PABIR3: variants seen among roughly 807,000 people sequenced by gnomAD.
PABIR3 encodes the protein PABIR family member 3.
PABIR3 carries 20 observed loss-of-function variants against 23.1 expected under a neutral mutation model. The ratio of observed to expected loss-of-function variants is 0.86; its 90% CI spans 0.61 to 1.26. The LOEUF (loss-of-function observed/expected upper bound fraction) is 1.26. PABIR3 is among the 50% of genes most tolerant of loss of function. The pLI is 0.00. For missense variants in PABIR3, 189 were observed against 195.4 expected, an observed-to-expected ratio of 0.97 and a Z score of 0.20; for synonymous variants, 69 against 68.5, an observed-to-expected ratio of 1.01 and a Z score of -0.04.
chrX:134,827,255 C>T (rs761534089), intron 3 of PABIR3, among the ~76,000 whole-genome samples: 1 of 111,847 alleles, frequency 8.9e-6, no homozygotes, highest in South Asian at 3.7e-4. Flanking sequence ...GCATGAGCCA[C>T]CACACATGGC....
At chrX:134,818,904 T>C (rs1161959161) in intron 3 of PABIR3, among the ~76,000 whole-genome samples, 1 of 108,908 alleles carries the variant, frequency 9.2e-6, no homozygotes, top group Non-Finnish European at 1.9e-5. Context: ...TTTTTTCTAG[T>C]ACCAAATACT....
the PABIR3 span, among the ~76,000 whole-genome samples, chrX:134,859,935 T>C: frequency 9.0e-6 from 1 of 111,380 alleles, no homozygotes; most frequent in Non-Finnish European, 1.9e-5. Context: ...AACCTAATTA[T>C]ACTTTCCATT....
the PABIR3 span, among the ~76,000 whole-genome samples, chrX:134,860,130 T>G: frequency 1.8e-5 from 2 of 110,491 alleles, no homozygotes; most frequent in Non-Finnish European, 3.8e-5. Flanking sequence ...TCTAGCTGTG[T>G]CACCCAGGCT....
chrX:134,841,977 A>T (rs748098665), intron 4 of PABIR3, among the ~76,000 whole-genome samples: 2 of 112,012 alleles, frequency 1.8e-5, no homozygotes, highest in African/African-American at 6.5e-5. Context: ...ACAGAGTGAG[A>T]TCCTGTCTCA....
intron 10 of PABIR3, among the ~76,000 whole-genome samples, chrX:134,853,218 C>T (rs1371691207): frequency 9.0e-6 from 1 of 110,820 alleles, no homozygotes; most frequent in Non-Finnish European, 1.9e-5. Context: ...TAGCTGTGCA[C>T]CACCGCGCCT....
intron 2 of PABIR3, among the ~76,000 whole-genome samples, chrX:134,814,364 C>T (rs887978763): frequency 1.8e-5 from 2 of 111,657 alleles, no homozygotes. Context: ...CTTTGCACAG[C>T]TTGCCTTTAC....
At chrX:134,846,421 G>A (rs1320093692) in intron 6 of PABIR3, among the ~76,000 whole-genome samples, 2 of 111,836 alleles carry the variant, frequency 1.8e-5, no homozygotes, top group Non-Finnish European at 1.9e-5. Context: ...TTCATCTCTT[G>A]TTAACATTTT....
At chrX:134,827,989 A>G (rs1330030329) in intron 3 of PABIR3, among the ~76,000 whole-genome samples, 1 of 83,956 alleles carries the variant, frequency 1.2e-5, no homozygotes, top group African/African-American at 4.6e-5. Context: ...TTATCTTTCG[A>G]TCTTCAGAGT....
chrX:134,862,981 T>G, the PABIR3 span, among the ~76,000 whole-genome samples: 1 of 112,114 alleles, frequency 8.9e-6, no homozygotes, highest in Non-Finnish European at 1.9e-5. Context: ...GATTTTCCAT[T>G]CCAGTCTTTT....
chrX:134,797,875 C>G (rs1295301559), intron 1 of PABIR3, among the ~76,000 whole-genome samples: 1 of 105,750 alleles, frequency 9.5e-6, no homozygotes, highest in African/African-American at 3.5e-5. Flanking sequence ...GGGCAGTGCA[C>G]GATCTTGTCT....
At chrX:134,818,945 T>C (rs956730503) in intron 3 of PABIR3, among the ~76,000 whole-genome samples, 1 of 102,135 alleles carries the variant, frequency 9.8e-6, no homozygotes, top group African/African-American at 3.6e-5. Context: ...TTTTTTTTTT[T>C]TTTTTTTTTT....
At chrX:134,818,809 T>C (rs770023805) in intron 3 of PABIR3, among the ~76,000 whole-genome samples, 5 of 111,110 alleles carry the variant, frequency 4.5e-5, no homozygotes, top group Non-Finnish European at 9.4e-5. Context: ...GCTCAATAAA[T>C]ATGTGGGTTT....
At chrX:134,850,774 A>T (rs1004976551) in intron 9 of PABIR3, among the ~76,000 whole-genome samples, 12 of 111,698 alleles carry the variant, frequency 1.1e-4, no homozygotes, top group African/African-American at 3.9e-4. Flanking sequence ...GTCTTCGGAG[A>T]TGTGACCTGT....
the PABIR3 span, among the ~76,000 whole-genome samples, chrX:134,863,943 C>T: frequency 1.8e-5 from 2 of 112,373 alleles, no homozygotes; most frequent in South Asian, 7.5e-4. Context: ...GTAGGTACTG[C>T]ATCTTCGTAC....
At chrX:134,821,074 ATG>A (rs200024478) in intron 3 of PABIR3, among the ~76,000 whole-genome samples, 57 of 92,938 alleles carry the variant, frequency 6.1e-4, no homozygotes, top group Middle Eastern at 0.01. Flanking sequence ...TTTATATTAT[ATG>A]TGTGTGTGTG....
At chrX:134,806,469 A>T (rs932990860), upstream of PABIR3, among the ~76,000 whole-genome samples, 4 of 110,403 alleles carry the variant, frequency 3.6e-5, no homozygotes, top group Non-Finnish European at 7.6e-5. Flanking sequence ...TACAAAAATT[A>T]ACCAGGCGTG....
chrX:134,798,591 G>A (rs112159915), intron 1 of PABIR3, among the ~76,000 whole-genome samples: 3,624 of 112,267 alleles, frequency 0.032, 55 homozygotes, highest in Middle Eastern at 0.06. Context: ...TGACACTGGG[G>A]CTGAGGTCTC....
intron 3 of PABIR3, among the ~76,000 whole-genome samples, chrX:134,827,180 C>G (rs916603008): frequency 3.8e-4 from 42 of 110,832 alleles, no homozygotes; most frequent in African/African-American, 1.1e-3. Context: ...AGGCTGGTCT[C>G]AAACTCCTGA....
rs1452763114 is a variant in PABIR3 at position 134,854,044 on chromosome X, A to T, written c.687-47A>T. The T allele has an allele frequency of 2.5e-6, 3 of 1,182,796 alleles. No homozygotes were observed. The African/African-American group carries it at 5.3e-5, about 21-fold the overall frequency. On this transcript the variant is annotated intron_variant, in intron 10 of 10. Coordinates refer to ENST00000645433, the MANE Select transcript of PABIR3 (RefSeq NM_001388447.1). Reference sequence around the variant, plus strand: ...TGTAGACAAAGCAGAGTATACAGAGAGATCTCTTGAGTTCTGCTATCAATG... The same window carrying T: ...TGTAGACAAAGCAGAGTATACAGAGTGATCTCTTGAGTTCTGCTATCAATG...
Sources: allele counts gnomAD v4.1 joint callset (sites outside exome capture counted in the v4.1 genomes callset), GRCh38; gene constraint gnomAD v4.1.1; transcripts MANE v1.5; gene names NCBI Gene and HGNC (gene_info 2026-07-23, HGNC 2026-07-21).